Variants in MAP4 observed in about 807,000 individuals in gnomAD.
The protein encoded by MAP4 is microtubule associated protein 4.
In MAP4, 76 loss-of-function variants were observed where a neutral mutation model predicts 170.2. That is an observed-to-expected ratio of 0.45 (90% CI 0.37 to 0.54). MAP4 has a LOEUF of 0.54. Ranked by LOEUF, MAP4 falls within the 20% of genes least tolerant of loss-of-function variation. The probability of loss-of-function intolerance (pLI) is 0.00; values close to 1 mark genes in which losing one functional copy is unlikely to be tolerated. For synonymous variants in MAP4, 909 were observed against 994.5 expected (o/e 0.91, Z 1.62); for missense variants, 2,506 against 2,748.0 (o/e 0.91, Z 1.97).
intron 4 of MAP4, among the ~76,000 whole-genome samples, chr3:47,927,499 G>A (rs1179968953): frequency 6.6e-6 from 1 of 152,024 alleles, no homozygotes; most frequent in African/African-American, 2.4e-5. Flanking sequence ...TTTTGAGATG[G>A]AGTTTCGCTC....
At chr3:47,957,890 G>A (rs1444973464) in intron 3 of MAP4, among the ~76,000 whole-genome samples, 1 of 152,178 alleles carries the variant, frequency 6.6e-6, no homozygotes, top group Non-Finnish European at 1.5e-5. Flanking sequence ...GTAGAAGTAT[G>A]TGCGGCTCCA....
chr3:48,050,339 G>T (rs2100127031), intron 1 of MAP4, among the ~76,000 whole-genome samples: 1 of 151,528 alleles, frequency 6.6e-6, no homozygotes, highest in African/African-American at 2.4e-5. Flanking sequence ...ACTACACAAT[G>T]GATTAATTTT....
intron 3 of MAP4, chr3:47,974,274 A>G: frequency 2.9e-6 from 1 of 344,030 alleles, no homozygotes; most frequent in Non-Finnish European, 4.1e-6. Context: ...AAAAATACAA[A>G]AATTAGCTGG....
At chr3:48,035,766 C>A (rs939054074) in intron 1 of MAP4, among the ~76,000 whole-genome samples, 1 of 152,004 alleles carries the variant, frequency 6.6e-6, no homozygotes, top group Non-Finnish European at 1.5e-5. Context: ...ATGATGAAAC[C>A]CCGCCTCTAC....
At chr3:47,941,786 C>CA (rs35079131) in intron 3 of MAP4, among the ~76,000 whole-genome samples, 3,375 of 61,316 alleles carry the variant, frequency 0.055, 60 homozygotes, top group Middle Eastern at 0.087. Context: ...GACTCCGTCT[C>CA]AAAAAAAAAA....
chr3:47,896,087 G>A (rs1373055454), intron 10 of MAP4, among the ~76,000 whole-genome samples: 11 of 152,146 alleles, frequency 7.2e-5, no homozygotes, highest in Non-Finnish European at 1.6e-4. Context: ...AGGTGCTCAG[G>A]CATACAGATA....
chr3:48,086,770 T>C (rs1050886239), intron 1 of MAP4, among the ~76,000 whole-genome samples: 1 of 152,254 alleles, frequency 6.6e-6, no homozygotes. Flanking sequence ...TCCTGGTCAG[T>C]GGACAATTAA....
chr3:47,859,077 C>T (rs561156153), intron 17 of MAP4, among the ~76,000 whole-genome samples: 1 of 151,932 alleles, frequency 6.6e-6, no homozygotes, highest in Non-Finnish European at 1.5e-5. Flanking sequence ...TGCAGTGAGC[C>T]GAGATCGTGC....
chr3:47,882,727 G>A (rs1004289182), intron 10 of MAP4, among the ~76,000 whole-genome samples: 38 of 151,602 alleles, frequency 2.5e-4, no homozygotes, highest in African/African-American at 9.2e-4. Flanking sequence ...GATGCACACC[G>A]CCACACCCAG....
At chr3:47,987,253 A>C in intron 2 of MAP4, 1 of 591,386 alleles carries the variant, frequency 1.7e-6, no homozygotes, top group Non-Finnish European at 2.7e-6. Context: ...TCTCCATGAA[A>C]TATGGCAGTA....
intron 3 of MAP4, among the ~76,000 whole-genome samples, chr3:47,934,031 A>G (rs890459252): frequency 2.0e-5 from 3 of 152,154 alleles, no homozygotes; most frequent in Non-Finnish European, 2.9e-5. Flanking sequence ...TTCAGTAGAT[A>G]TGTAAGGCCA....
upstream of MAP4, among the ~76,000 whole-genome samples, chr3:48,017,042 G>C (rs1044523442): frequency 1.3e-5 from 2 of 152,078 alleles, no homozygotes; most frequent in African/African-American, 4.8e-5. Context: ...GCCTCCCAAA[G>C]TGCTGGGATT....
At chr3:48,050,644 C>T (rs1488838143) in intron 1 of MAP4, among the ~76,000 whole-genome samples, 2 of 151,440 alleles carry the variant, frequency 1.3e-5, no homozygotes, top group Non-Finnish European at 2.9e-5. Context: ...CGCGGTGGCC[C>T]ACAACTGTAA....
At position 47,959,391 on chromosome 3, in the gene MAP4, C is replaced by T. The variant is rs552929483; in HGVS notation, c.292+18474G>A. ...AGGAGAATCGCTTGAATCTGGGAGG[C>T]GGTGGTTGCAGTGAGCCAAGATTGT... On this transcript the variant is annotated intron_variant, in intron 3 of 20. Coordinates refer to ENST00000683076, the MANE Select transcript of MAP4 (RefSeq NM_001385682.1). 9.3e-5 allele frequency among the ~76,000 whole-genome samples: 14 copies of T among 150,740 alleles called. No individual in the cohort carries two copies. In the East Asian group the frequency reaches 1.8e-3, roughly 19 times the overall value.
At chr3:48,087,745 G>GCACA (rs1171639123) in intron 1 of MAP4, among the ~76,000 whole-genome samples, 10,084 of 105,512 alleles carry the variant, frequency 0.096, 342 homozygotes, top group African/African-American at 0.1. Context: ...ACACGCACGC[G>GCACA]CACACACACA....
At chr3:47,892,704 A>ATGTT in intron 10 of MAP4, 1 of 1,369,888 alleles carries the variant, frequency 7.3e-7, no homozygotes, top group Non-Finnish European at 9.4e-7. Context: ...TGAAAGCGAA[A>ATGTT]GAAAGGAAGG....
intron 3 of MAP4, among the ~76,000 whole-genome samples, chr3:47,955,235 G>A (rs943851491): frequency 3.9e-5 from 6 of 151,946 alleles, no homozygotes; most frequent in Non-Finnish European, 7.4e-5. Flanking sequence ...ATGGGTCACG[G>A]CACTTGGTAT....
chr3:47,951,784 G>A (rs2100064139), intron 3 of MAP4, among the ~76,000 whole-genome samples: 1 of 152,182 alleles, frequency 6.6e-6, no homozygotes, highest in African/African-American at 2.4e-5. Flanking sequence ...CGTCTGGGAA[G>A]TGAGGAGCGT....
intron 1 of MAP4, among the ~76,000 whole-genome samples, chr3:48,041,504 C>T (rs1445913513): frequency 6.6e-6 from 1 of 152,074 alleles, no homozygotes; most frequent in African/African-American, 2.4e-5. Flanking sequence ...CATTTAAGTT[C>T]ATGGATCAGA....
Sources: allele counts gnomAD v4.1 joint callset (sites outside exome capture counted in the v4.1 genomes callset), GRCh38; gene constraint gnomAD v4.1.1; transcripts MANE v1.5; gene names NCBI Gene and HGNC (gene_info 2026-07-23, HGNC 2026-07-21).